IL1RAPL2: variants seen among roughly 807,000 people sequenced by gnomAD.
IL1RAPL2 encodes the protein X-linked interleukin-1 receptor accessory protein-like 2.
In IL1RAPL2, 3 loss-of-function variants were observed where a neutral mutation model predicts 44.1. The ratio of observed to expected loss-of-function variants is 0.07; its 90% confidence interval spans 0.03 to 0.18. The LOEUF is 0.18. Ranked by LOEUF, IL1RAPL2 falls within the 10% of genes least tolerant of loss-of-function variation. The pLI is 1.00. For missense variants in IL1RAPL2, 391 were observed against 496.4 expected, an observed-to-expected ratio of 0.79 and a Z score of 2.02; for synonymous variants, 181 against 178.8, an observed-to-expected ratio of 1.01 and a Z score of -0.10.
intron 2 of IL1RAPL2, among the ~76,000 whole-genome samples, chrX:104,700,733 T>C (rs1397431504): frequency 9.0e-6 from 1 of 111,283 alleles, no homozygotes; most frequent in Admixed American, 9.6e-5. Flanking sequence ...TTATAAAAGA[T>C]GGCTTTCAAG....
intron 5 of IL1RAPL2, among the ~76,000 whole-genome samples, chrX:105,354,089 T>A (rs1460090398): frequency 1.8e-5 from 2 of 111,026 alleles, no homozygotes; most frequent in Non-Finnish European, 3.8e-5. Flanking sequence ...TAGCTCTTAT[T>A]ATTTTGAGGT....
chrX:105,325,671 G>GA (rs2034932855), intron 5 of IL1RAPL2, among the ~76,000 whole-genome samples: 1 of 107,214 alleles, frequency 9.3e-6, no homozygotes, highest in African/African-American at 3.5e-5. Flanking sequence ...CAAAGTGACT[G>GA]CACCATTTTA....
intron 2 of IL1RAPL2, among the ~76,000 whole-genome samples, chrX:105,194,567 G>T (rs1460873361): frequency 9.0e-6 from 1 of 111,433 alleles, no homozygotes; most frequent in Non-Finnish European, 1.9e-5. Context: ...TGGTAGATTT[G>T]CCTACCTAAT....
intron 2 of IL1RAPL2, among the ~76,000 whole-genome samples, chrX:104,932,919 A>C (rs1022596680): frequency 4.5e-5 from 5 of 111,937 alleles, no homozygotes; most frequent in Non-Finnish European, 9.4e-5. Flanking sequence ...TAACTCTGAA[A>C]AACGGGATTT....
chrX:104,768,622 T>C (rs1932593533), intron 2 of IL1RAPL2, among the ~76,000 whole-genome samples: 1 of 111,168 alleles, frequency 9.0e-6, no homozygotes, highest in African/African-American at 3.3e-5. Context: ...AAGAATAATA[T>C]GGGTATTTAG....
At chrX:105,208,976 A>C (rs781918687) in intron 3 of IL1RAPL2, among the ~76,000 whole-genome samples, 17 of 111,884 alleles carry the variant, frequency 1.5e-4, no homozygotes, top group Non-Finnish European at 3.2e-4. Flanking sequence ...AAACCCTCAG[A>C]TCAGTAGGGT....
intron 5 of IL1RAPL2, among the ~76,000 whole-genome samples, chrX:105,376,565 A>G (rs1360266184): frequency 8.9e-6 from 1 of 112,078 alleles, no homozygotes; most frequent in Middle Eastern, 4.6e-3. Flanking sequence ...CTTCATAGTA[A>G]AAGATAAACC....
intron 6 of IL1RAPL2, among the ~76,000 whole-genome samples, chrX:105,679,280 C>G (rs1293651868): frequency 8.9e-6 from 1 of 111,763 alleles, no homozygotes; most frequent in Non-Finnish European, 1.9e-5. Context: ...GGGAACATAA[C>G]TAGCTCTATG....
intron 2 of IL1RAPL2, among the ~76,000 whole-genome samples, chrX:104,921,322 G>A (rs1924633515): frequency 9.2e-6 from 1 of 108,307 alleles, no homozygotes; most frequent in African/African-American, 3.4e-5. Flanking sequence ...ACAGGGCCAG[G>A]GAATGCTCAC....
intron 2 of IL1RAPL2, among the ~76,000 whole-genome samples, chrX:105,081,125 G>T (rs934157559): frequency 4.5e-5 from 5 of 111,258 alleles, no homozygotes; most frequent in African/African-American, 1.3e-4. Context: ...GGGCTGAGAT[G>T]ATGGGGTTTT....
intron 7 of IL1RAPL2, among the ~76,000 whole-genome samples, chrX:105,732,210 G>C (rs752956395): frequency 4.5e-5 from 5 of 110,427 alleles, no homozygotes; most frequent in African/African-American, 1.3e-4. Flanking sequence ...GCCTTCTCTG[G>C]TTTTAATTGA....
intron 5 of IL1RAPL2, among the ~76,000 whole-genome samples, chrX:105,359,927 C>G (rs1178435587): frequency 1.8e-5 from 2 of 110,590 alleles, no homozygotes; most frequent in African/African-American, 6.6e-5. Context: ...GTAACTGAAA[C>G]TTAGAAATTG....
Position 105,377,298 on chromosome X carries a change from C to G in IL1RAPL2, c.698-107015C>G, listed in dbSNP as rs373663410. On this transcript the variant is annotated intron_variant, in intron 5 of 10. Transcript: ENST00000372582. Reference sequence around the variant, plus strand: ...CCTGTAATTTCATTACATGGGTATTCCATAATTTATTTTTGTCAGACCCTT... The same window carrying G: ...CCTGTAATTTCATTACATGGGTATTGCATAATTTATTTTTGTCAGACCCTT... 4.5e-5 allele frequency among the ~76,000 whole-genome samples: 5 copies of G among 110,080 alleles called. No individual in the cohort carries two copies. In the South Asian group the frequency reaches 1.2e-3, roughly 26 times the overall value.
At position 105,481,461 on chromosome X, in the gene IL1RAPL2, A is replaced by T. The variant is rs896059365; in HGVS notation, c.698-2852A>T. Among the ~76,000 whole-genome samples, 4 of 112,371 alleles carry T rather than the reference A, an allele frequency of 3.6e-5. No individual in the cohort carries two copies. The South Asian group carries it at 1.4e-3, about 41-fold the overall frequency. ...ATGTCACTTCAGCAATTGATATTTAACAATAATAAAATTAGGGTAAATACA... is the reference window on the plus strand; with the variant it reads ...ATGTCACTTCAGCAATTGATATTTATCAATAATAAAATTAGGGTAAATACA... On this transcript the variant is annotated intron_variant, in intron 5 of 10. Transcript: ENST00000372582.
intron 2 of IL1RAPL2, among the ~76,000 whole-genome samples, chrX:104,962,706 T>C (rs181741093): frequency 8.9e-6 from 1 of 112,283 alleles, no homozygotes; most frequent in African/African-American, 3.2e-5. Context: ...CACCTCAGTG[T>C]AGGGACATTG....
At chrX:104,744,733 CT>C (rs1360196071) in intron 2 of IL1RAPL2, among the ~76,000 whole-genome samples, 1 of 110,524 alleles carries the variant, frequency 9.0e-6, no homozygotes, top group Non-Finnish European at 1.9e-5. Flanking sequence ...CTCTCTGTGT[CT>C]TTTAAAACTT....
chrX:105,233,828 T>A lies in IL1RAPL2; in HGVS notation c.367T>A (p.Tyr123Asn). The change falls in exon 4 of 11, where the codon TAT becomes AAT. Residue 123 changes from tyrosine to asparagine, a missense_variant. Tyr to Asn is a moderately radical substitution (Grantham distance 143). Around this residue, in one of 2 missense-constraint regions of IL1RAPL2, gnomAD observed 159 missense variants for 251.7 expected, o/e 0.63. Coordinates refer to ENST00000372582, the MANE Select transcript of IL1RAPL2 (RefSeq NM_017416.2). ...TCTCTGTTCCTACAGAAACTCAACA[T>A]ATTGCATGAAGGTGTCAATGTCCTT... ...FYTCVLRNSTYCMKVSMSLTV... is the reference protein window; with the variant it reads ...FYTCVLRNSTNCMKVSMSLTV... 2 of 1,201,380 alleles carry A rather than the reference T, an allele frequency of 1.7e-6. No individual in the cohort carries two copies. Among genetic ancestry groups the A allele is most frequent in the Non-Finnish European group, 1.1e-6 (1 of 889,989 alleles).
At position 104,948,213 on chromosome X, in the gene IL1RAPL2, CTGTT is replaced by C. The variant is rs1338175955; in HGVS notation, c.83-247258_83-247255del. On this transcript the variant is annotated intron_variant, in intron 2 of 10. Transcript: ENST00000372582. Reference sequence around the variant, plus strand: ...GGGAGTTCACTCATGATTTGGCTCTCTGTTTGTCTGTTATTGGTGTATAAGAATG... The same window carrying C: ...GGGAGTTCACTCATGATTTGGCTCTCTGTCTGTTATTGGTGTATAAGAATG... 1.4e-3 allele frequency among the ~76,000 whole-genome samples: 147 copies of C among 107,457 alleles called. 1 individual carries two copies. The highest frequency in any genetic ancestry group is 4.8e-3 in the Middle Eastern group (1 of 208). The allele number at this position is 107,457 out of a possible 115,157, so 93.3% of individuals were successfully genotyped here.
chrX:105,655,279 G>A (rs1211186493), intron 6 of IL1RAPL2, among the ~76,000 whole-genome samples: 2 of 112,508 alleles, frequency 1.8e-5, no homozygotes, highest in East Asian at 2.8e-4. Flanking sequence ...TTTAGTCTGT[G>A]ACAGTGGAAA....
Sources: gnomAD v4.1 joint callset for allele counts (sites outside exome capture counted in the v4.1 genomes callset) on GRCh38, gnomAD v4.1.1 for gene constraint, gnomAD v4.1.1 regional missense constraint, MANE v1.5 for transcripts, NCBI Gene and HGNC (gene_info 2026-07-23, HGNC 2026-07-21) for gene names.